Variants in BTBD9 observed in about 807,000 individuals in gnomAD.
BTBD9 encodes BTB domain containing 9.
Under a neutral mutation model 64.3 loss-of-function variants are expected in BTBD9, and 49 were observed. The ratio of observed to expected loss-of-function variants is 0.76; its 90% CI spans 0.61 to 0.97. The LOEUF (loss-of-function observed/expected upper bound fraction) is 0.97. Among genes scored for constraint, BTBD9 ranks in the 50% least tolerant of loss-of-function variants. BTBD9 has a pLI of 0.00. For missense variants in BTBD9, 598 were observed against 762.1 expected (o/e 0.78, Z 2.53); for synonymous variants, 260 against 274.7 (o/e 0.95, Z 0.53).
intron 8 of BTBD9, among the ~76,000 whole-genome samples, chr6:38,273,286 C>T (rs554076369): frequency 1.0e-3 from 153 of 152,222 alleles, no homozygotes; most frequent in Non-Finnish European, 1.7e-3. Flanking sequence ...GGGTGCATTC[C>T]AAGACCCCCC....
chr6:38,495,804 T>C (rs553576826), intron 6 of BTBD9, among the ~76,000 whole-genome samples: 9 of 151,912 alleles, frequency 5.9e-5, no homozygotes, highest in Non-Finnish European at 1.3e-4. Context: ...GGAGGTGCAA[T>C]AACAGCCCCG....
chr6:38,612,546 T>G (rs1289148332), intron 1 of BTBD9, among the ~76,000 whole-genome samples: 1 of 152,232 alleles, frequency 6.6e-6, no homozygotes, highest in Non-Finnish European at 1.5e-5. Flanking sequence ...CTAAGTCTTT[T>G]CATTAGAAAC....
At chr6:38,342,992 G>T (rs1283859318) in intron 7 of BTBD9, among the ~76,000 whole-genome samples, 1 of 152,194 alleles carries the variant, frequency 6.6e-6, no homozygotes, top group Non-Finnish European at 1.5e-5. Context: ...GTCAGAGGGG[G>T]TTCCACTGCA....
chr6:38,431,776 C>T (rs1478341225), intron 6 of BTBD9, among the ~76,000 whole-genome samples: 4 of 152,014 alleles, frequency 2.6e-5, no homozygotes, highest in African/African-American at 4.8e-5. Context: ...CTACTCTTGT[C>T]TGTCTATATC....
intron 7 of BTBD9, among the ~76,000 whole-genome samples, chr6:38,288,891 C>T (rs1282370433): frequency 1.3e-5 from 2 of 152,170 alleles, no homozygotes; most frequent in African/African-American, 2.4e-5. Flanking sequence ...CGCATCACTG[C>T]GCTCCAGCCT....
At chr6:38,176,015 C>T (rs1335779736) in intron 10 of BTBD9, among the ~76,000 whole-genome samples, 1 of 152,228 alleles carries the variant, frequency 6.6e-6, no homozygotes, top group Non-Finnish European at 1.5e-5. Context: ...AACTCTGTGC[C>T]AACACCGTGC....
At chr6:38,562,991 G>A (rs965126336) in intron 6 of BTBD9, among the ~76,000 whole-genome samples, 2 of 152,104 alleles carry the variant, frequency 1.3e-5, no homozygotes, top group African/African-American at 4.8e-5. Context: ...AGGGCTGATG[G>A]ACACTTCCCA....
At chr6:38,543,485 A>G (rs1354875522) in intron 6 of BTBD9, among the ~76,000 whole-genome samples, 1 of 152,238 alleles carries the variant, frequency 6.6e-6, no homozygotes, top group Middle Eastern at 3.2e-3. Context: ...ACAATGCACT[A>G]CAATAAGAGC....
intron 1 of BTBD9, among the ~76,000 whole-genome samples, chr6:38,634,094 T>C (rs61330823): frequency 0.11 from 17,056 of 152,260 alleles, 1,172 homozygotes; most frequent in Non-Finnish European, 0.15. Flanking sequence ...AGCTGGGAGA[T>C]AAATGAGAGA....
At position 38,399,265 on chromosome 6, in the gene BTBD9, T is replaced by C. The variant is rs114739558; in HGVS notation, c.1155-54172A>G. ...CCAATACTACCTAGATTTAGAATAT[T>C]TAGGATATCTGGAAGTAAATCTCTA... is the stretch of plus-strand genomic sequence containing the variant. On this transcript the variant is annotated intron_variant, in intron 6 of 10. Transcript: ENST00000481247. Among the ~76,000 whole-genome samples, 669 of 152,320 alleles carry C rather than the reference T, an allele frequency of 4.4e-3. 4 individuals carry two copies. Among genetic ancestry groups the C allele is most frequent in the African/African-American group, 0.014 (570 of 41,566 alleles).
At chr6:38,485,996 C>T (rs569852549) in intron 6 of BTBD9, among the ~76,000 whole-genome samples, 2 of 152,316 alleles carry the variant, frequency 1.3e-5, no homozygotes, top group African/African-American at 4.8e-5. Context: ...GCAGCTTCTA[C>T]ACAAGCAGCT....
chr6:38,537,122 A>C (rs903365420), intron 6 of BTBD9, among the ~76,000 whole-genome samples: 4 of 152,200 alleles, frequency 2.6e-5, no homozygotes, highest in African/African-American at 9.6e-5. Context: ...CACAAAAATT[A>C]AAAATAATTT....
chr6:38,595,834 C>T, intron 2 of BTBD9: 1 of 984,974 alleles, frequency 1.0e-6, no homozygotes, highest in Non-Finnish European at 1.2e-6. Flanking sequence ...CAGAGAGCAT[C>T]CAACCATTAC....
At chr6:38,441,091 G>C (rs1769008942) in intron 6 of BTBD9, among the ~76,000 whole-genome samples, 1 of 152,162 alleles carries the variant, frequency 6.6e-6, no homozygotes. Context: ...ATAGAACTCA[G>C]AGCCAACACT....
chr6:38,487,624 A>AGAGAG (rs1771516499), intron 6 of BTBD9, among the ~76,000 whole-genome samples: 1 of 134,590 alleles, frequency 7.4e-6, no homozygotes, highest in African/African-American at 2.8e-5. Context: ...AGAGAGAGAG[A>AGAGAG]AGGAAGGAAA....
Position 38,256,744 on chromosome 6 carries a change from G to T in BTBD9, c.1455-228C>A, listed in dbSNP as rs537116319. ...AGTCCCCCAATCCCAGGCAGGCTCT[G>T]CCCCACTGGTGGCAAAGTTCTTTAT... On this transcript the variant is annotated intron_variant, in intron 8 of 10. Transcript: ENST00000481247. Among the ~76,000 whole-genome samples the T allele has an allele frequency of 1.1e-4, 17 of 152,302 alleles. No individual in the cohort carries two copies. The East Asian group carries it at 3.1e-3, about 28-fold the overall frequency.
chr6:38,583,410 A>T (rs1304904513), intron 4 of BTBD9, among the ~76,000 whole-genome samples: 2 of 152,138 alleles, frequency 1.3e-5, no homozygotes. Context: ...GAGACAGGAG[A>T]ATCACTTGAA....
intron 6 of BTBD9, among the ~76,000 whole-genome samples, chr6:38,444,416 A>C (rs531378508): frequency 1.3e-5 from 2 of 152,330 alleles, no homozygotes; most frequent in African/African-American, 4.8e-5. Context: ...CTGATACTTC[A>C]ATTCTCTTCC....
chr6:38,211,205 G>A (rs1762821781), intron 9 of BTBD9, among the ~76,000 whole-genome samples: 1 of 152,198 alleles, frequency 6.6e-6, no homozygotes, highest in Admixed American at 6.5e-5. Context: ...CGAGGCGGGT[G>A]GATCACGAGG....
Sources: gnomAD v4.1 joint callset for allele counts (sites outside exome capture counted in the v4.1 genomes callset) on GRCh38, gnomAD v4.1.1 for gene constraint, MANE v1.5 for transcripts, NCBI Gene and HGNC (gene_info 2026-07-23, HGNC 2026-07-21) for gene names.